Variants in AKIP1 observed in about 807,000 individuals in gnomAD.
AKIP1 encodes A-kinase interacting protein 1, also known as A-kinase-interacting protein 1.
Under a neutral mutation model 22.3 loss-of-function variants are expected in AKIP1, and 18 were observed. That is an observed-to-expected ratio of 0.81 (90% CI 0.56 to 1.19). The LOEUF is 1.19. AKIP1 is among the 50% of genes most tolerant of loss of function. The pLI is 0.00. For missense variants in AKIP1, 287 were observed against 264.6 expected (o/e 1.08, Z -0.59); for synonymous variants, 120 against 102.7 (o/e 1.17, Z -1.02).
intron 4 of AKIP1, among the ~76,000 whole-genome samples, 161 bp downstream of exon 4, chr11:8,915,091 C>T (rs1257204819): frequency 6.6e-6 from 1 of 152,146 alleles, no homozygotes; most frequent in Non-Finnish European, 1.5e-5. Flanking sequence ...AGAGAACTTA[C>T]AGCAATGAAC....
chr11:8,914,287 T>C (rs1589922426), intron 3 of AKIP1, among the ~76,000 whole-genome samples: 2 of 152,188 alleles, frequency 1.3e-5, no homozygotes, highest in South Asian at 4.1e-4. Context: ...TTTCGGAAGA[T>C]TCTTCTTAAA....
chr11:8,911,840 A>G (rs1300706454), intron 2 of AKIP1, among the ~76,000 whole-genome samples, 169 bp downstream of exon 2: 1 of 151,838 alleles, frequency 6.6e-6, no homozygotes, highest in Admixed American at 6.6e-5. Context: ...TACATTTGAC[A>G]GATTCTTGTT....
intron 3 of AKIP1, among the ~76,000 whole-genome samples, chr11:8,913,263 C>G (rs2064428244): frequency 1.3e-5 from 2 of 151,094 alleles, no homozygotes. Flanking sequence ...TCACTGCAAC[C>G]CCTACCTCCT....
intron 3 of AKIP1, among the ~76,000 whole-genome samples, chr11:8,912,871 C>CTTTTTTTTTTTTTTTTTTTTTTTTTTT (rs71059196): frequency 1.1e-5 from 1 of 92,950 alleles, no homozygotes. Flanking sequence ...TTTTTTTTAA[C>CTTTTTTTTTTTTTTTTTTTTTTTTTTT]TTTTTTTTTT....
At position 8,911,664 on chromosome 11, in the gene AKIP1, C is replaced by T. The variant is rs369388205; in HGVS notation, c.215C>T (p.Pro72Leu). The change falls in exon 2 of 6, where the codon CCG becomes CTG. Residue 72 changes from proline (P) to leucine (L), a missense_variant. Transcript: ENST00000309377. ...QPAAGPQRVL[P>L]GEREERPPTL... ...GCAGCCGGCCCGCAGCGCGTTCTCC[C>T]GGGAGAGGTGAGGGTCGCTGTGCCG... The T allele has an allele frequency of 3.0e-5, 47 of 1,552,780 alleles. No individual in the cohort carries two copies. The African/African-American group carries it at 5.2e-4, about 17-fold the overall frequency.
intron 2 of AKIP1, 138 bp from the exon 3 acceptor site, chr11:8,912,315 T>C (rs553165379): frequency 1.5e-6 from 1 of 669,228 alleles, no homozygotes; most frequent in Admixed American, 2.5e-5. Flanking sequence ...GTTGGAATTC[T>C]TTCTCAATAA....
chr11:8,912,897 CAG>C (rs1456117983), intron 3 of AKIP1, among the ~76,000 whole-genome samples: 3 of 17,822 alleles, frequency 1.7e-4, no homozygotes, highest in Admixed American at 2.3e-3. Context: ...TTTTTTGAGA[CAG>C]AGGCTTGCTC....
chr11:8,918,175 C>G (rs902185592), intron 5 of AKIP1: 2 of 152,172 alleles, frequency 1.3e-5, no homozygotes, highest in African/African-American at 4.8e-5. Flanking sequence ...TCCTTGTGTG[C>G]AAATGAAGCA....
chr11:8,918,965 C>T lies in AKIP1; in HGVS notation c.490-372C>T, dbSNP rs765941040. 3.3e-5 allele frequency among the ~76,000 whole-genome samples: 5 copies of T among 152,206 alleles called. No homozygotes were observed. In the East Asian group the frequency reaches 7.7e-4, roughly 23 times the overall value. On this transcript the variant is annotated intron_variant, in intron 5 of 5. Coordinates refer to ENST00000309377, the MANE Select transcript of AKIP1 (RefSeq NM_020642.4). The stretch of plus-strand genomic sequence containing the variant: ...TCCCGAGTACCTTGTCATTACTGCT[C>T]ATCTGTGCTAAGTGCCACTGTCTAC...
At chr11:8,915,493 C>T (rs2064469847) in intron 4 of AKIP1, among the ~76,000 whole-genome samples, 1 of 151,004 alleles carries the variant, frequency 6.6e-6, no homozygotes, top group African/African-American at 2.4e-5. Flanking sequence ...TCCCAAGTAG[C>T]TGGGACTACA....
intron 3 of AKIP1, 142 bp from the exon 4 acceptor site, chr11:8,914,684 T>G: frequency 1.6e-6 from 1 of 610,792 alleles, no homozygotes; most frequent in East Asian, 2.8e-5. Context: ...TTGCATGACT[T>G]CAGAGGCCTG....
chr11:8,912,753 G>A (rs1197599980), intron 3 of AKIP1, among the ~76,000 whole-genome samples: 1 of 151,830 alleles, frequency 6.6e-6, no homozygotes, highest in Non-Finnish European at 1.5e-5. Flanking sequence ...TGACAATATA[G>A]CAATGAAAAG....
Position 8,919,466 on chromosome 11 carries a change from G to C in AKIP1, c.619G>C (p.Val207Leu), listed in dbSNP as rs142886076. 5 of 1,613,648 alleles carry C rather than the reference G, an allele frequency of 3.1e-6. No homozygotes were observed. The highest frequency in any genetic ancestry group is 2.5e-6 in the Non-Finnish European group (3 of 1,179,936). The change falls in exon 6 of 6, where the codon GTC (valine) becomes CTC (leucine). Residue 207 changes from valine to leucine, a missense_variant. Val to Leu is a conservative substitution (Grantham distance 32, BLOSUM62 1). Transcript: ENST00000309377. ...AVDSGQSVDL[V>L]FPV ...TGATTCTGGACAAAGCGTGGACCTG[G>C]TCTTCCCTGTGTGATGTTGACCATC...
intron 3 of AKIP1, among the ~76,000 whole-genome samples, chr11:8,912,927 T>C (rs1262240331): frequency 7.2e-6 from 1 of 138,170 alleles, no homozygotes; most frequent in South Asian, 2.5e-4. Context: ...CAGGCTGGAG[T>C]GCAGTGGTGT....
chr11:8,918,945 A>G (rs1480285951), intron 5 of AKIP1, among the ~76,000 whole-genome samples: 1 of 152,230 alleles, frequency 6.6e-6, no homozygotes, highest in Non-Finnish European at 1.5e-5. Flanking sequence ...ATCACTCCCG[A>G]GTACCTTGTC....
rs1311053232 is a variant in AKIP1, at chr11:8,919,772, C to T, written c.*292C>T. ...CTGCCTCAGCCTCCCGAGTAGCTGG[C>T]ACTACAGGCACCCGCCACCATGCCC... On this transcript the variant is annotated 3_prime_UTR_variant, in exon 6 of 6. Coordinates refer to ENST00000309377, the MANE Select transcript of AKIP1 (RefSeq NM_020642.4). 1 of 237,236 alleles carries T rather than the reference C, an allele frequency of 4.2e-6. No homozygotes were observed. Among genetic ancestry groups the T allele is most frequent in the Non-Finnish European group, 8.2e-6 (1 of 121,828 alleles). The allele number at this position is 237,236 out of a possible 1,614,324, so 14.7% of individuals were successfully genotyped here.
At chr11:8,914,393 C>T (rs1326442223) in intron 3 of AKIP1, among the ~76,000 whole-genome samples, 1 of 152,214 alleles carries the variant, frequency 6.6e-6, no homozygotes, top group Non-Finnish European at 1.5e-5. Flanking sequence ...TGCTGTGTTT[C>T]TAAATCTCAG....
chr11:8,919,416 C>G lies in AKIP1; in HGVS notation c.569C>G (p.Thr190Ser), dbSNP rs772816631. 13 of 1,614,046 alleles carry G rather than the reference C, an allele frequency of 8.1e-6. No individual in the cohort carries two copies. The East Asian group carries it at 1.3e-4, about 17-fold the overall frequency. Residue 190 changes from threonine to serine, a missense_variant, in exon 6 of 6, where the codon ACC becomes AGC. Thr to Ser is a moderately conservative substitution (Grantham distance 58, BLOSUM62 1). Coordinates refer to ENST00000309377, the MANE Select transcript of AKIP1 (RefSeq NM_020642.4). ...GTCACTGTGGGCTCAAATGACTTAA[C>G]CAAGAAGACTCATGTGGTAGCAGTT... is the stretch of plus-strand genomic sequence containing the variant. ...YSVTVGSNDL[T>S]KKTHVVAVDS...
In AKIP1 at chr11:8,911,208, T is replaced by G; in HGVS notation, c.-22T>G. The G allele has an allele frequency of 1.9e-6, 1 of 535,364 alleles. No homozygotes were observed. The highest frequency in any genetic ancestry group is 3.3e-6 in the Non-Finnish European group (1 of 301,878). 33.2% of individuals were successfully genotyped at this position (535,364 alleles called of 1,614,324 possible). A position where few individuals can be genotyped will look rare whatever the true frequency, so the allele number is the denominator to read the frequency against. On this transcript the variant is annotated 5_prime_UTR_variant, in exon 1 of 6. Transcript: ENST00000309377. ...TAGAATAGCGTTGCGCGCATGCGCC[T>G]TGACGAGTGAGCCGGGTGAGGGGGC...
Sources: gnomAD v4.1 joint callset for allele counts (sites outside exome capture counted in the v4.1 genomes callset) on GRCh38, gnomAD v4.1.1 for gene constraint, MANE v1.5 for transcripts, NCBI Gene and HGNC (gene_info 2026-07-23, HGNC 2026-07-21) for gene names.